Variants in GAREM1 observed in about 807,000 individuals in gnomAD.
The protein encoded by GAREM1 is GRB2 associated regulator of MAPK1 subtype 1.
In GAREM1, 26 loss-of-function variants were observed where a neutral mutation model predicts 71.3. That is an observed-to-expected ratio of 0.36 (90% CI 0.27 to 0.51). The LOEUF is 0.51. GAREM1 is among the 20% of genes least tolerant of loss of function. The pLI is 0.95. For missense variants in GAREM1, 1,026 were observed against 1,103.1 expected (o/e 0.93, Z 0.99); for synonymous variants, 440 against 433.2 (o/e 1.02, Z -0.20).
intron 2 of GAREM1, among the ~76,000 whole-genome samples, chr18:32,383,127 G>A (rs1176766850): frequency 6.6e-6 from 1 of 152,084 alleles, no homozygotes. Context: ...TCACTATTAG[G>A]GACAAACCCT....
chr18:32,388,755 C>T (rs1368240823), intron 2 of GAREM1, among the ~76,000 whole-genome samples: 1 of 152,072 alleles, frequency 6.6e-6, no homozygotes, highest in East Asian at 1.9e-4. Context: ...GAACTTGTTC[C>T]AGATTAAAGG....
chr18:32,299,513 C>CAAA (rs57549959), intron 3 of GAREM1, among the ~76,000 whole-genome samples: 2,573 of 69,046 alleles, frequency 0.037, 118 homozygotes, highest in African/African-American at 0.077. Flanking sequence ...GACCCCATCT[C>CAAA]AAAAAAAAAA....
intron 1 of GAREM1, among the ~76,000 whole-genome samples, chr18:32,467,389 G>A (rs538739409): frequency 6.6e-6 from 1 of 152,176 alleles, no homozygotes; most frequent in Non-Finnish European, 1.5e-5. Context: ...GTACCAGGAG[G>A]TAGCCCAGTT....
At chr18:32,349,243 C>T (rs2047725357) in intron 2 of GAREM1, among the ~76,000 whole-genome samples, 1 of 152,172 alleles carries the variant, frequency 6.6e-6, no homozygotes, top group African/African-American at 2.4e-5. Context: ...GGACTGAACT[C>T]TTCATGGCCC....
chr18:32,353,437 A>C (rs950354403), intron 2 of GAREM1, among the ~76,000 whole-genome samples: 1 of 152,196 alleles, frequency 6.6e-6, no homozygotes. Flanking sequence ...GTTAATGTAC[A>C]GCCAGCTTTT....
intron 3 of GAREM1, among the ~76,000 whole-genome samples, chr18:32,306,463 AC>A (rs35792232): frequency 2.9e-5 from 4 of 136,806 alleles, no homozygotes; most frequent in African/African-American, 1.2e-4. Flanking sequence ...TTTAGCAGCA[AC>A]CCCCCCCACC....
At chr18:32,363,919 T>C (rs867833077) in intron 2 of GAREM1, among the ~76,000 whole-genome samples, 1,632 of 112,904 alleles carry the variant, frequency 0.014, 38 homozygotes, top group African/African-American at 0.057. Context: ...CACACACACA[T>C]AAAAAAATAT....
intron 2 of GAREM1, among the ~76,000 whole-genome samples, chr18:32,362,266 G>A (rs2144611492): frequency 6.6e-6 from 1 of 152,084 alleles, no homozygotes; most frequent in East Asian, 1.9e-4. Context: ...TATCTTTATG[G>A]TACCCAAATG....
chr18:32,327,533 T>C (rs529772011), intron 2 of GAREM1, among the ~76,000 whole-genome samples: 6 of 152,268 alleles, frequency 3.9e-5, no homozygotes, highest in Admixed American at 2.6e-4. Context: ...AAATAGAGAT[T>C]GCAATACCTA....
intron 1 of GAREM1, among the ~76,000 whole-genome samples, chr18:32,437,230 G>T (rs1341505978): frequency 6.6e-6 from 1 of 152,126 alleles, no homozygotes; most frequent in Non-Finnish European, 1.5e-5. Context: ...GTGTTACTCA[G>T]CAATGACCTC....
chr18:32,286,321 AGTGT>A (rs140225815), intron 4 of GAREM1, among the ~76,000 whole-genome samples: 1,999 of 143,184 alleles, frequency 0.014, 26 homozygotes, highest in South Asian at 0.018. Context: ...CTGGTTCTGG[AGTGT>A]GTGTGTGTGT....
intron 4 of GAREM1, among the ~76,000 whole-genome samples, chr18:32,283,490 T>C (rs756247698): frequency 4.3e-4 from 65 of 152,138 alleles, no homozygotes; most frequent in Admixed American, 1.7e-3. Flanking sequence ...GAGGTTGCAG[T>C]GAGCCAAGAT....
intron 2 of GAREM1, among the ~76,000 whole-genome samples, chr18:32,353,155 T>C (rs892018960): frequency 1.3e-5 from 2 of 152,208 alleles, no homozygotes; most frequent in African/African-American, 4.8e-5. Context: ...CCATTTTTGT[T>C]ACATTAATAT....
At chr18:32,436,197 T>C (rs2048676334) in intron 1 of GAREM1, among the ~76,000 whole-genome samples, 1 of 152,060 alleles carries the variant, frequency 6.6e-6, no homozygotes, top group Non-Finnish European at 1.5e-5. Context: ...AGATGAGCGC[T>C]CTCCTCACAA....
chr18:32,323,650 A>C (rs2047450085), intron 2 of GAREM1, among the ~76,000 whole-genome samples: 1 of 152,216 alleles, frequency 6.6e-6, no homozygotes, highest in Admixed American at 6.5e-5. Flanking sequence ...CAGAGGTTGC[A>C]GTGGGCCAAA....
chr18:32,414,142 A>C (rs2048445653), intron 1 of GAREM1, among the ~76,000 whole-genome samples: 1 of 152,174 alleles, frequency 6.6e-6, no homozygotes, highest in African/African-American at 2.4e-5. Context: ...GCTATTTGCA[A>C]AGTTTAAATT....
Position 32,310,288 on chromosome 18 carries a change from T to G in GAREM1, c.298A>C (p.Lys100Gln), listed in dbSNP as rs750993884. Reference protein sequence around the residue: ...FKLLEQDRDIKEPVQYFNSVE... With the variant: ...FKLLEQDRDIQEPVQYFNSVE... ...CTGTTGAAATATTGCACTGGCTCCT[T>G]TATATCTCGGTCTTGTTCCAGCAGC... Residue 100 changes from lysine (K) to glutamine (Q), a missense_variant, in exon 3 of 6, where the codon AAG becomes CAG. Around this residue, in one of 3 missense-constraint regions of GAREM1, gnomAD observed 172 missense variants for 175.2 expected, o/e 0.98. Coordinates refer to ENST00000269209, the MANE Select transcript of GAREM1 (RefSeq NM_001242409.2). 1.2e-6 allele frequency: 2 copies of G among 1,614,156 alleles called. No individual in the cohort carries two copies. Among genetic ancestry groups the G allele is most frequent in the Non-Finnish European group, 1.7e-6 (2 of 1,180,004 alleles).
At chr18:32,349,257 G>T (rs968099) in intron 2 of GAREM1, among the ~76,000 whole-genome samples, 33,204 of 152,022 alleles carry the variant, frequency 0.22, 5,049 homozygotes, top group African/African-American at 0.43. Context: ...ATGGCCCTCT[G>T]AACTTCTGTA....
At chr18:32,405,944 G>C (rs1054803362) in intron 1 of GAREM1, among the ~76,000 whole-genome samples, 1 of 152,124 alleles carries the variant, frequency 6.6e-6, no homozygotes, top group African/African-American at 2.4e-5. Context: ...TTTTGTTACA[G>C]TAGTTAGCCT....
Sources: gnomAD v4.1 joint callset for allele counts (sites outside exome capture counted in the v4.1 genomes callset) on GRCh38, gnomAD v4.1.1 for gene constraint, gnomAD v4.1.1 regional missense constraint, MANE v1.5 for transcripts, NCBI Gene and HGNC (gene_info 2026-07-23, HGNC 2026-07-21) for gene names.